OSBPL5: variants seen among roughly 807,000 people sequenced by gnomAD.
OSBPL5 encodes oxysterol-binding protein-related protein 5.
A neutral mutation model predicts 111.2 loss-of-function variants in OSBPL5; 71 were observed. That is an observed-to-expected ratio of 0.64 (90% CI 0.53 to 0.78). The LOEUF (loss-of-function observed/expected upper bound fraction) is 0.78, where lower values mean the gene tolerates loss of function less well. OSBPL5 is among the 30% of genes least tolerant of loss of function. The pLI, the probability that OSBPL5 is intolerant of heterozygous loss-of-function variation, is 0.00. For synonymous variants in OSBPL5, 549 were observed against 513.9 expected, an observed-to-expected ratio of 1.07 and a Z score of -0.93; for missense variants, 1,210 against 1,189.3, an observed-to-expected ratio of 1.02 and a Z score of -0.26.
rs747722613 is a variant in OSBPL5 at position 3,106,924 on chromosome 11, G to A, written c.1059+339C>T. ...CTGCGCTCCTCCAGGAAGTGGGGCC[G>A]CCCAGCAGATGGGGTCAAGGGCCCC... On this transcript the variant is annotated intron_variant, in intron 9 of 21. Coordinates refer to ENST00000263650, the MANE Select transcript of OSBPL5 (RefSeq NM_020896.4). This position sits in a 1 kb window ranked among gnomAD's most constrained non-coding sequence, Gnocchi z 8.4. 9.2e-5 allele frequency among the ~76,000 whole-genome samples: 14 copies of A among 152,278 alleles called. No individual in the cohort carries two copies. The highest frequency in any genetic ancestry group is 3.4e-3 in the Middle Eastern group (1 of 294).
chr11:3,090,473 C>G, intron 20 of OSBPL5, 85 bp downstream of exon 20: 3 of 1,533,254 alleles, frequency 2.0e-6, no homozygotes, highest in Non-Finnish European at 2.7e-6. Flanking sequence ...TGGGCAGGTG[C>G]TTCTCTGGCC....
chr11:3,150,644 T>C (rs1409101500), intron 1 of OSBPL5, among the ~76,000 whole-genome samples: 1 of 152,180 alleles, frequency 6.6e-6, no homozygotes, highest in African/African-American at 2.4e-5. Flanking sequence ...GGAGCAGAAC[T>C]CTTCCCTTCC....
rs972441098 is a variant in OSBPL5 at position 3,106,330 on chromosome 11, TGC to T, written c.1059+931_1059+932del. ...TTGCCCTCAGTGACAGCCACGGCCT[TGC>T]TCTTGTCTCGCCTCCCGGGTGAGAA... On this transcript the variant is annotated intron_variant, in intron 9 of 21. Transcript: ENST00000263650. The surrounding 1 kb of genome is among the most constrained non-coding windows in gnomAD (Gnocchi z 8.4). Among the ~76,000 whole-genome samples, 2 of 152,136 alleles carry T rather than the reference TGC, an allele frequency of 1.3e-5. No individual in the cohort carries two copies. The highest frequency in any genetic ancestry group is 2.9e-5 in the Non-Finnish European group (2 of 68,004).
At chr11:3,145,630 TCTGCGCTGGGGG>T (rs1289749357) in intron 1 of OSBPL5, among the ~76,000 whole-genome samples, 1 of 151,938 alleles carries the variant, frequency 6.6e-6, no homozygotes, top group Non-Finnish European at 1.5e-5. Flanking sequence ...AGAGCAGGGG[TCTGCGCTGGGGG>T]CTGCTTCCTG....
intron 10 of OSBPL5, among the ~76,000 whole-genome samples, chr11:3,103,808 C>T (rs138836596): frequency 0.1 from 3,775 of 37,710 alleles, 239 homozygotes; most frequent in African/African-American, 0.21. Flanking sequence ...CTGCAGCCCT[C>T]TTCCTGCCTG....
intron 7 of OSBPL5, among the ~76,000 whole-genome samples, chr11:3,112,476 TTC>T (rs1408347773): frequency 0.013 from 1,352 of 105,872 alleles, 9 homozygotes; most frequent in Non-Finnish European, 0.016. Context: ...GTGTTTTCTT[TTC>T]TTTTTTTTTT....
rs371142695 is a variant in OSBPL5, at chr11:3,090,143, C to A, written c.2399-195G>T. Among the ~76,000 whole-genome samples the A allele has an allele frequency of 5.4e-3, 826 of 152,252 alleles. 8 individuals carry two copies. Among genetic ancestry groups the A allele is most frequent in the African/African-American group, 0.018 (761 of 41,550 alleles). On this transcript the variant is annotated intron_variant, in intron 20 of 21. Coordinates refer to ENST00000263650, the MANE Select transcript of OSBPL5 (RefSeq NM_020896.4). ...GCTGAGGATGTTTCTGGAGGGAACC[C>A]CCAGGCTGGACCAGCCACTAACAGG...
chr11:3,093,603 T>C lies in OSBPL5; in HGVS notation c.1870A>G (p.Ser624Gly), dbSNP rs1362930204. The C allele has an allele frequency of 1.9e-6, 3 of 1,612,800 alleles. No homozygotes were observed. The highest frequency in any genetic ancestry group is 2.2e-5 in the East Asian group (1 of 44,888). The change falls in exon 17 of 22, where the codon AGC becomes GGC. Residue 624 changes from serine to glycine, a missense_variant. Physicochemically the swap from Ser to Gly is moderately conservative, Grantham distance 56 (BLOSUM62 0). Coordinates refer to ENST00000263650, the MANE Select transcript of OSBPL5 (RefSeq NM_020896.4). The part of the protein sequence containing the change: ...SGSSALFWTP[S>G]GEVRRQRLRQ... ...AGCCTCTGTCTGCGGACCTCCCCGC[T>C]CGGGGTCCAGAAAAGCGCACTGCTT...
At chr11:3,128,430 G>C (rs1477876360) in intron 2 of OSBPL5, among the ~76,000 whole-genome samples, 3 of 152,250 alleles carry the variant, frequency 2.0e-5, no homozygotes, top group African/African-American at 7.2e-5. Context: ...GGCTGGGGCA[G>C]GGGTTGTGCA....
At chr11:3,112,935 G>T (rs1858057040) in intron 7 of OSBPL5, among the ~76,000 whole-genome samples, 1 of 152,096 alleles carries the variant, frequency 6.6e-6, no homozygotes, top group Admixed American at 6.5e-5. Flanking sequence ...AGGTTATCAA[G>T]AATCTGAAAG....
At chr11:3,088,852 C>T (rs940372577) in intron 21 of OSBPL5, among the ~76,000 whole-genome samples, 2 of 152,156 alleles carry the variant, frequency 1.3e-5, no homozygotes, top group South Asian at 4.1e-4. Flanking sequence ...AGAGAGGTCT[C>T]GGGATAAACC....
At chr11:3,102,681 G>C (rs1429847689) in intron 11 of OSBPL5, among the ~76,000 whole-genome samples, 1 of 151,566 alleles carries the variant, frequency 6.6e-6, no homozygotes, top group Non-Finnish European at 1.5e-5. Context: ...CTGAGCCTCA[G>C]TTTCCCCATC....
At chr11:3,100,290 G>A in intron 13 of OSBPL5, 34 bp from the exon 14 acceptor site, 1 of 1,600,480 alleles carries the variant, frequency 6.2e-7, no homozygotes, top group Non-Finnish European at 8.6e-7. Context: ...ACCAGTGAGT[G>A]CGGACAGCCC....
At chr11:3,164,950 C>A (rs1399510378) in intron 1 of OSBPL5, among the ~76,000 whole-genome samples, 55 of 151,790 alleles carry the variant, frequency 3.6e-4, no homozygotes, top group Non-Finnish European at 5.5e-4. Context: ...CGCCCCAACC[C>A]GCCAGGCGCC....
chr11:3,139,799 C>A (rs546579450), intron 1 of OSBPL5, among the ~76,000 whole-genome samples: 3 of 152,242 alleles, frequency 2.0e-5, no homozygotes, highest in Non-Finnish European at 2.9e-5. Context: ...AGGCAGCCAG[C>A]CTTCCCTGCT....
In OSBPL5 at chr11:3,094,221, CT is replaced by C; in HGVS notation, c.1719+15del. On this transcript the variant is annotated intron_variant, in intron 15 of 21. Coordinates refer to ENST00000263650, the MANE Select transcript of OSBPL5 (RefSeq NM_020896.4). ...CTTCCCTGGCCTCGTCTCCCCCAGG[CT>C]GCAGCCAGCGCTACCTTGAGTTTGA... 6.2e-7 allele frequency: 1 copy of C among 1,611,484 alleles called. No homozygotes were observed. Among genetic ancestry groups the C allele is most frequent in the Non-Finnish European group, 8.5e-7 (1 of 1,178,884 alleles).
intron 14 of OSBPL5, among the ~76,000 whole-genome samples, chr11:3,097,111 A>G (rs1031350542): frequency 4.3e-3 from 538 of 125,886 alleles, no homozygotes; most frequent in East Asian, 6.6e-3. Context: ...AGATGGGAGG[A>G]GGAGGAGAGG....
chr11:3,125,799 C>T lies in OSBPL5; in HGVS notation c.219+674G>A, dbSNP rs1371501143. On this transcript the variant is annotated intron_variant, in intron 3 of 21. Transcript: ENST00000263650. ...CAGCCTGGGTGACAGAGCGAGACTC[C>T]GTCTCAAAAAAAAAAAAAAAAAAAT... Among the ~76,000 whole-genome samples, 5 of 97,662 alleles carry T rather than the reference C, an allele frequency of 5.1e-5. No homozygotes were observed. In the East Asian group the frequency reaches 7.7e-4, roughly 15 times the overall value. The allele number at this position is 97,662 out of a possible 152,430, so 64.1% of individuals were successfully genotyped here. A position where few individuals can be genotyped will look rare whatever the true frequency, so the allele number is the denominator to read the frequency against.
chr11:3,098,379 G>C (rs1857343903), intron 14 of OSBPL5, among the ~76,000 whole-genome samples: 1 of 150,464 alleles, frequency 6.6e-6, no homozygotes, highest in African/African-American at 2.4e-5. Context: ...AAATTTTCTG[G>C]ACTTCATCAA....
Sources: allele counts gnomAD v4.1 joint callset (sites outside exome capture counted in the v4.1 genomes callset), GRCh38; gene constraint gnomAD v4.1.1; non-coding constraint Gnocchi (gnomAD v3.1); transcripts MANE v1.5; gene names NCBI Gene and HGNC (gene_info 2026-07-23, HGNC 2026-07-21).